Variants in RIMS2 observed in about 807,000 individuals in gnomAD.
The protein encoded by RIMS2 is regulating synaptic membrane exocytosis protein 2.
Under a neutral mutation model 174.4 loss-of-function variants are expected in RIMS2, and 59 were observed. That is an observed-to-expected ratio of 0.34 (90% CI 0.27 to 0.42). RIMS2 has a LOEUF of 0.42. Ranked by LOEUF, RIMS2 falls within the 10% of genes least tolerant of loss-of-function variation. The pLI is 1.00. For synonymous variants in RIMS2, 606 were observed against 572.5 expected (o/e 1.06, Z -0.84); for missense variants, 1,620 against 1,666.3 (o/e 0.97, Z 0.48).
chr8:103,749,000 T>C (rs1449165856), intron 2 of RIMS2, among the ~76,000 whole-genome samples: 1 of 152,004 alleles, frequency 6.6e-6, no homozygotes, highest in East Asian at 1.9e-4. Context: ...GGGTTTCTCA[T>C]GTTAGTCAGG....
chr8:103,562,048 C>T (rs556791521), intron 1 of RIMS2, among the ~76,000 whole-genome samples: 11 of 152,146 alleles, frequency 7.2e-5, no homozygotes, highest in Non-Finnish European at 1.5e-4. Context: ...CAGTTACCTC[C>T]CACTGAATCC....
At chr8:104,115,194 C>A (rs181795099) in intron 19 of RIMS2, among the ~76,000 whole-genome samples, 1 of 152,050 alleles carries the variant, frequency 6.6e-6, no homozygotes, top group Non-Finnish European at 1.5e-5. Flanking sequence ...AGCTGCCTTT[C>A]GCTTTTTTAA....
intron 1 of RIMS2, among the ~76,000 whole-genome samples, chr8:103,556,479 T>C (rs1400683892): frequency 2.0e-5 from 3 of 152,162 alleles, no homozygotes; most frequent in Non-Finnish European, 2.9e-5. Context: ...GAGGAAATAA[T>C]ATTATTTTTA....
At chr8:104,129,136 G>A (rs6468903) in intron 19 of RIMS2, among the ~76,000 whole-genome samples, 114,214 of 151,936 alleles carry the variant, frequency 0.75, 43,653 homozygotes, top group East Asian at 0.92. Context: ...TGTAATCCCA[G>A]CATTTTGAGA....
intron 19 of RIMS2, among the ~76,000 whole-genome samples, chr8:104,168,346 G>A (rs1019153865): frequency 1.3e-5 from 2 of 152,054 alleles, no homozygotes; most frequent in African/African-American, 2.4e-5. Flanking sequence ...TTTCAGGAGC[G>A]TTTTGTAGTT....
At chr8:103,627,058 C>T (rs1386375177) in intron 1 of RIMS2, among the ~76,000 whole-genome samples, 1 of 152,138 alleles carries the variant, frequency 6.6e-6, no homozygotes, top group Non-Finnish European at 1.5e-5. Context: ...GAGGGTACTG[C>T]AGGAGACCAG....
chr8:103,579,252 G>C, intron 1 of RIMS2, among the ~76,000 whole-genome samples: 1 of 130,386 alleles, frequency 7.7e-6, no homozygotes, highest in Non-Finnish European at 1.7e-5. Context: ...CTCTCTCTCT[G>C]TCTCTGTCTC....
At chr8:103,868,160 T>A (rs1388009269) in intron 3 of RIMS2, among the ~76,000 whole-genome samples, 1 of 152,044 alleles carries the variant, frequency 6.6e-6, no homozygotes, top group Non-Finnish European at 1.5e-5. Context: ...TTTTTAGCAG[T>A]CTTGGTTGGA....
chr8:103,541,717 A>G (rs1406001253), intron 1 of RIMS2, among the ~76,000 whole-genome samples: 1 of 152,232 alleles, frequency 6.6e-6, no homozygotes, highest in Non-Finnish European at 1.5e-5. Flanking sequence ...AAGGTTAACT[A>G]TTAAAAATAG....
intron 15 of RIMS2, among the ~76,000 whole-genome samples, chr8:103,973,896 T>A (rs1475705726): frequency 6.6e-6 from 1 of 152,202 alleles, no homozygotes; most frequent in African/African-American, 2.4e-5. Context: ...AACTCACAGC[T>A]GTCCCTCTCT....
chr8:104,167,919 G>A (rs2098807128), intron 19 of RIMS2, among the ~76,000 whole-genome samples: 1 of 152,108 alleles, frequency 6.6e-6, no homozygotes, highest in Non-Finnish European at 1.5e-5. Flanking sequence ...TTATTGAATA[G>A]GGTGTTCTTT....
intron 1 of RIMS2, among the ~76,000 whole-genome samples, chr8:103,664,836 T>C (rs1454990810): frequency 6.6e-6 from 1 of 152,230 alleles, no homozygotes; most frequent in Non-Finnish European, 1.5e-5. Context: ...TGTATGTTTA[T>C]TGTGGCACTA....
chr8:103,712,295 A>G (rs1412055394), intron 2 of RIMS2, among the ~76,000 whole-genome samples: 2 of 151,218 alleles, frequency 1.3e-5, no homozygotes, highest in Non-Finnish European at 2.9e-5. Flanking sequence ...TACAGGTGTG[A>G]GCCACCATGC....
chr8:103,647,626 T>A (rs1369189514), intron 1 of RIMS2, among the ~76,000 whole-genome samples: 1 of 152,164 alleles, frequency 6.6e-6, no homozygotes. Context: ...ATTAACAGAT[T>A]CAGTTTCTTC....
At chr8:103,999,846 G>A (rs1186951036) in intron 17 of RIMS2, among the ~76,000 whole-genome samples, 1 of 151,476 alleles carries the variant, frequency 6.6e-6, no homozygotes, top group Non-Finnish European at 1.5e-5. Context: ...TCTCAACTTC[G>A]GCCTAATTGG....
chr8:103,888,380 G>T (rs2099219721), intron 4 of RIMS2, among the ~76,000 whole-genome samples: 1 of 151,148 alleles, frequency 6.6e-6, no homozygotes, highest in Non-Finnish European at 1.5e-5. Context: ...TTTTTATGGA[G>T]TATATAGAGA....
At chr8:104,086,919 C>T (rs1250693897) in intron 19 of RIMS2, among the ~76,000 whole-genome samples, 1 of 152,096 alleles carries the variant, frequency 6.6e-6, no homozygotes, top group African/African-American at 2.4e-5. Flanking sequence ...ACCCCACAAC[C>T]AGTGGTGTGC....
chr8:103,602,219 C>A (rs2094789073), intron 1 of RIMS2, among the ~76,000 whole-genome samples: 1 of 151,952 alleles, frequency 6.6e-6, no homozygotes, highest in African/African-American at 2.4e-5. Context: ...AATCTCCTGA[C>A]CTCATGATCC....
intron 3 of RIMS2, among the ~76,000 whole-genome samples, chr8:103,868,875 T>G (rs545772201): frequency 1.3e-5 from 2 of 152,300 alleles, no homozygotes; most frequent in South Asian, 2.1e-4. Flanking sequence ...TAGAAAAAAC[T>G]AATATAAATA....
Sources: allele counts gnomAD v4.1 joint callset (sites outside exome capture counted in the v4.1 genomes callset), GRCh38; gene constraint gnomAD v4.1.1; transcripts MANE v1.5; gene names NCBI Gene and HGNC (gene_info 2026-07-23, HGNC 2026-07-21).